ZNRF3: variants seen among roughly 807,000 people sequenced by gnomAD.
ZNRF3 encodes E3 ubiquitin-protein ligase ZNRF3.
ZNRF3 carries 23 observed loss-of-function variants against 72.5 expected under a neutral mutation model. That is an observed-to-expected ratio of 0.32 (90% CI 0.23 to 0.45). The LOEUF (loss-of-function observed/expected upper bound fraction) is 0.45, where lower values mean the gene tolerates loss of function less well. Ranked by LOEUF, ZNRF3 falls within the 20% of genes least tolerant of loss-of-function variation. ZNRF3 has a pLI of 1.00. For missense variants in ZNRF3, 1,169 were observed against 1,272.1 expected, an observed-to-expected ratio of 0.92 and a Z score of 1.23; for synonymous variants, 610 against 545.3, an observed-to-expected ratio of 1.12 and a Z score of -1.65.
At chr22:28,978,605 G>A (rs1017761559) in intron 1 of ZNRF3, among the ~76,000 whole-genome samples, 1 of 152,160 alleles carries the variant, frequency 6.6e-6, no homozygotes, top group Non-Finnish European at 1.5e-5. Context: ...TTCCAGCAGT[G>A]CATAAAATTT....
intron 2 of ZNRF3, among the ~76,000 whole-genome samples, chr22:28,999,045 C>T (rs750555408): frequency 3.3e-5 from 5 of 151,476 alleles, no homozygotes; most frequent in African/African-American, 4.9e-5. Context: ...AAGCCGGGTG[C>T]GGTGGCTCAT....
At chr22:28,955,455 C>T (rs1569259967) in intron 1 of ZNRF3, among the ~76,000 whole-genome samples, 1 of 152,148 alleles carries the variant, frequency 6.6e-6, no homozygotes, top group Non-Finnish European at 1.5e-5. Context: ...AAAAAGTCCT[C>T]CTGTGTACCA....
At chr22:28,894,866 C>G (rs2033960978) in intron 1 of ZNRF3, among the ~76,000 whole-genome samples, 4 of 151,880 alleles carry the variant, frequency 2.6e-5, no homozygotes, top group Admixed American at 2.6e-4. Context: ...ATGGGCTCTT[C>G]TAAAAAAAAA....
chr22:28,923,850 G>A (rs2034549570), intron 1 of ZNRF3, among the ~76,000 whole-genome samples: 1 of 152,266 alleles, frequency 6.6e-6, no homozygotes, highest in South Asian at 2.1e-4. Context: ...CACTGCTCAT[G>A]CACTGGCAGC....
At chr22:28,986,536 T>C (rs1246965318) in intron 1 of ZNRF3, 1 of 843,350 alleles carries the variant, frequency 1.2e-6, no homozygotes, top group East Asian at 1.2e-4. Flanking sequence ...GAATTTTATC[T>C]GTTTCCCAGT....
intron 1 of ZNRF3, among the ~76,000 whole-genome samples, chr22:28,903,554 A>G (rs768084148): frequency 6.6e-6 from 1 of 152,062 alleles, no homozygotes; most frequent in Non-Finnish European, 1.5e-5. Context: ...ATGATTGGAG[A>G]GCAGAATTTT....
intron 1 of ZNRF3, among the ~76,000 whole-genome samples, chr22:28,979,030 G>A (rs916974745): frequency 7.2e-5 from 11 of 151,902 alleles, no homozygotes; most frequent in African/African-American, 2.4e-4. Flanking sequence ...TAACTATCAC[G>A]TGTCATCCTC....
intron 1 of ZNRF3, among the ~76,000 whole-genome samples, chr22:28,937,186 TA>T (rs1185816618): frequency 8.7e-4 from 5 of 5,720 alleles, no homozygotes; most frequent in African/African-American, 1.7e-3. Flanking sequence ...TATATATATA[TA>T]TATATATATA....
At position 29,016,014 on chromosome 22, in the gene ZNRF3, C is replaced by CAAAAAA. The variant is rs34796724; in HGVS notation, c.427-26471_427-26466dup. Among the ~76,000 whole-genome samples, 22 of 102,444 alleles carry CAAAAAA rather than the reference C, an allele frequency of 2.1e-4. No individual in the cohort carries two copies. The South Asian group carries it at 6.3e-3, about 29-fold the overall frequency. 67.2% of individuals were successfully genotyped at this position (102,444 alleles called of 152,430 possible). ...CTGGGCAACAAGAGTGAAACTGTCT[C>CAAAAAA]AAAAAAAAAAAAAAACAAAAAAACT... is the stretch of plus-strand genomic sequence containing the variant. On this transcript the variant is annotated intron_variant, in intron 2 of 8. Transcript: ENST00000544604.
At chr22:28,991,863 C>G (rs538738950) in intron 2 of ZNRF3, among the ~76,000 whole-genome samples, 1 of 152,154 alleles carries the variant, frequency 6.6e-6, no homozygotes, top group East Asian at 1.9e-4. Context: ...AGATGCTCAC[C>G]TGGGCACGGT....
At chr22:28,989,005 G>A (rs936667770) in intron 2 of ZNRF3, among the ~76,000 whole-genome samples, 1 of 152,144 alleles carries the variant, frequency 6.6e-6, no homozygotes, top group Non-Finnish European at 1.5e-5. Flanking sequence ...GGAGAGTTTT[G>A]TATGATTTGG....
At chr22:28,904,196 TG>T (rs2034162194) in intron 1 of ZNRF3, among the ~76,000 whole-genome samples, 1 of 152,186 alleles carries the variant, frequency 6.6e-6, no homozygotes. Context: ...AGTGACCTGG[TG>T]GGATTGATCA....
intron 6 of ZNRF3, among the ~76,000 whole-genome samples, chr22:29,047,316 C>T (rs2037093361): frequency 1.3e-5 from 2 of 152,136 alleles, no homozygotes; most frequent in South Asian, 4.1e-4. Context: ...ATGTCAGGGG[C>T]CTAGAATCAT....
chr22:28,962,761 A>G (rs1271005242), intron 1 of ZNRF3, among the ~76,000 whole-genome samples: 1 of 152,238 alleles, frequency 6.6e-6, no homozygotes, highest in Non-Finnish European at 1.5e-5. Flanking sequence ...TGATGCCTCC[A>G]TTCTTAAGAA....
chr22:29,035,713 C>G (rs945472278), intron 2 of ZNRF3, among the ~76,000 whole-genome samples: 1 of 152,064 alleles, frequency 6.6e-6, no homozygotes, highest in Non-Finnish European at 1.5e-5. Context: ...GTAGCTGGGA[C>G]TACAGGGGCA....
At chr22:28,988,915 G>T (rs2035904474) in intron 2 of ZNRF3, among the ~76,000 whole-genome samples, 1 of 152,158 alleles carries the variant, frequency 6.6e-6, no homozygotes. Flanking sequence ...TGGTTTAGCG[G>T]TGGGGAAACT....
At chr22:28,948,178 T>A (rs543377737) in intron 1 of ZNRF3, among the ~76,000 whole-genome samples, 4 of 151,396 alleles carry the variant, frequency 2.6e-5, no homozygotes, top group East Asian at 2.0e-4. Flanking sequence ...AAAATTTTTT[T>A]AAAAAAGATG....
Position 29,053,677 on chromosome 22 carries a change from ACTT to A in ZNRF3, c.*59_*61del. On this transcript the variant is annotated 3_prime_UTR_variant, in exon 9 of 9. Coordinates refer to ENST00000544604, the MANE Select transcript of ZNRF3 (RefSeq NM_001206998.2). ...GGAACTGTATGGAGACTCCAAACTG[ACTT>A]CTTTCAAAAAACAAAAACAAAAAAT... is the stretch of plus-strand genomic sequence containing the variant. 1 of 1,525,880 alleles carries A rather than the reference ACTT, an allele frequency of 6.6e-7. No individual in the cohort carries two copies. Among genetic ancestry groups the A allele is most frequent in the Non-Finnish European group, 8.9e-7 (1 of 1,129,198 alleles). The allele number at this position is 1,525,880 out of a possible 1,614,324, so 94.5% of individuals were successfully genotyped here. A position where few individuals can be genotyped will look rare whatever the true frequency, so the allele number is the denominator to read the frequency against.
chr22:29,053,520 C>A, intron 8 of ZNRF3, 59 bp from the exon 9 acceptor site: 2 of 1,569,964 alleles, frequency 1.3e-6, no homozygotes, highest in Non-Finnish European at 8.7e-7. Context: ...GAGTCCCTTG[C>A]CTGGTCCCAT....
Sources: allele counts gnomAD v4.1 joint callset (sites outside exome capture counted in the v4.1 genomes callset), GRCh38; gene constraint gnomAD v4.1.1; transcripts MANE v1.5; gene names NCBI Gene and HGNC (gene_info 2026-07-23, HGNC 2026-07-21).